Variants in TESMIN observed in about 807,000 individuals in gnomAD.
TESMIN encodes the protein testis expressed metallothionein like protein.
Under a neutral mutation model 47.4 loss-of-function variants are expected in TESMIN, and 34 were observed. That is an observed-to-expected ratio of 0.72 (90% CI 0.55 to 0.96). The LOEUF (loss-of-function observed/expected upper bound fraction) is 0.96, where lower values mean the gene tolerates loss of function less well. TESMIN is among the 40% of genes least tolerant of loss of function. The pLI is 0.00. For missense variants in TESMIN, 610 were observed against 637.2 expected, an observed-to-expected ratio of 0.96 and a Z score of 0.46; for synonymous variants, 278 against 258.9, an observed-to-expected ratio of 1.07 and a Z score of -0.71.
intron 6 of TESMIN, chr11:68,733,608 G>A (rs1946354298): frequency 6.6e-6 from 1 of 152,144 alleles, no homozygotes; most frequent in South Asian, 2.1e-4. Flanking sequence ...TGACTTCTAA[G>A]TAACCTTATT....
intron 6 of TESMIN, chr11:68,737,499 A>G (rs897933860): frequency 4.1e-6 from 4 of 985,642 alleles, no homozygotes; most frequent in Admixed American, 6.1e-5. Context: ...TCACGAAGCC[A>G]TGCCCGATGG....
chr11:68,731,066 C>T lies in TESMIN; in HGVS notation c.917+7634G>A, dbSNP rs116544189. 3.2e-3 allele frequency among the ~76,000 whole-genome samples: 482 copies of T among 152,138 alleles called. 4 individuals carry two copies. The highest frequency in any genetic ancestry group is 0.011 in the African/African-American group (447 of 41,480). On this transcript the variant is annotated intron_variant, in intron 6 of 9. Transcript: ENST00000255087. ...GGAGGAGGAAGATGAACGAGTAAAA[C>T]GCTTGTCTACCACAGGAAGAGGGCA...
chr11:68,742,034 G>A (rs940100095), intron 5 of TESMIN, among the ~76,000 whole-genome samples: 1 of 152,232 alleles, frequency 6.6e-6, no homozygotes, highest in Non-Finnish European at 1.5e-5. Flanking sequence ...TGTTGGTGGG[G>A]TCACAGAGGA....
In TESMIN at chr11:68,738,733, G is replaced by T; in HGVS notation, c.884C>A (p.Thr295Asn). ...AGTTATTTTTGGTGGTCCTGGAAGAGTTGATCCCGAGGGGAAAGCAGACCC... is the reference window on the plus strand; with the variant it reads ...AGTTATTTTTGGTGGTCCTGGAAGATTTGATCCCGAGGGGAAAGCAGACCC... Reference protein sequence around the residue: ...VNGSAFPSGSTLPGPPKITLA... With the variant: ...VNGSAFPSGSNLPGPPKITLA... Residue 295 changes from threonine to asparagine, a missense_variant, in exon 6 of 10, where the codon ACT becomes AAT. Thr to Asn is a moderately conservative substitution (Grantham distance 65). Coordinates refer to ENST00000255087, the MANE Select transcript of TESMIN (RefSeq NM_004923.3). 1 of 1,614,102 alleles carries T rather than the reference G, an allele frequency of 6.2e-7. No homozygotes were observed. Among genetic ancestry groups the T allele is most frequent in the South Asian group, 1.1e-5 (1 of 91,078 alleles).
intron 5 of TESMIN, among the ~76,000 whole-genome samples, chr11:68,741,166 C>T (rs1268179700): frequency 6.6e-6 from 1 of 152,088 alleles, no homozygotes; most frequent in Non-Finnish European, 1.5e-5. Context: ...TCTCCTTGAC[C>T]CCTCCTCCCC....
At chr11:68,705,583 T>G (rs930174138), downstream of TESMIN, among the ~76,000 whole-genome samples, 2 of 152,242 alleles carry the variant, frequency 1.3e-5, no homozygotes, top group African/African-American at 4.8e-5. Context: ...GCGCGTGTCA[T>G]TCTAAACAAT....
At chr11:68,721,946 T>C (rs1298225810) in intron 6 of TESMIN, among the ~76,000 whole-genome samples, 1 of 152,206 alleles carries the variant, frequency 6.6e-6, no homozygotes, top group Non-Finnish European at 1.5e-5. Flanking sequence ...AAAGTTACTA[T>C]ATGATCCAGC....
Position 68,726,064 on chromosome 11 carries a change from C to T in TESMIN, c.918-10125G>A, listed in dbSNP as rs1197037545. On this transcript the variant is annotated intron_variant, in intron 6 of 9. Transcript: ENST00000255087. ...ATGGCAACCCTAACTGTGGCAAACACTTACAAGGACATGTGTGATCTGCTG... is the reference window on the plus strand; with the variant it reads ...ATGGCAACCCTAACTGTGGCAAACATTTACAAGGACATGTGTGATCTGCTG... 2.0e-5 allele frequency among the ~76,000 whole-genome samples: 3 copies of T among 152,098 alleles called. No individual in the cohort carries two copies. The East Asian group carries it at 5.8e-4, about 29-fold the overall frequency.
intron 5 of TESMIN, among the ~76,000 whole-genome samples, chr11:68,741,700 T>G (rs1324675432): frequency 6.6e-6 from 1 of 152,192 alleles, no homozygotes; most frequent in Non-Finnish European, 1.5e-5. Context: ...GAGACACATA[T>G]GGCCTCTGCC....
intron 4 of TESMIN, among the ~76,000 whole-genome samples, chr11:68,743,234 C>A (rs976929560): frequency 5.7e-5 from 7 of 123,074 alleles, no homozygotes; most frequent in Non-Finnish European, 3.4e-5. Flanking sequence ...ACAGGAACTA[C>A]TTTTTTTTTT....
Position 68,750,671 on chromosome 11 carries a change from G to C in TESMIN, c.-11C>G. 2 of 1,495,142 alleles carry C rather than the reference G, an allele frequency of 1.3e-6. No individual in the cohort carries two copies. The highest frequency in any genetic ancestry group is 3.9e-4 in the Middle Eastern group (2 of 5,122). The allele number at this position is 1,495,142 out of a possible 1,614,324, so 92.6% of individuals were successfully genotyped here. A position where few individuals can be genotyped will look rare whatever the true frequency, so the allele number is the denominator to read the frequency against. The stretch of plus-strand genomic sequence containing the variant: ...AGGGCCCTCCTCCATGGCGCAGGGC[G>C]GCGGGGCGGGATGGCGGGGGCCGCG... On this transcript the variant is annotated 5_prime_UTR_variant, in exon 2 of 10. Transcript: ENST00000255087.
At chr11:68,727,720 C>T (rs544654651) in intron 6 of TESMIN, among the ~76,000 whole-genome samples, 17 of 152,318 alleles carry the variant, frequency 1.1e-4, no homozygotes, top group African/African-American at 3.8e-4. Flanking sequence ...AGCAAGTCTA[C>T]GGCTCCATTT....
At chr11:68,735,800 C>T (rs1043227974) in intron 6 of TESMIN, among the ~76,000 whole-genome samples, 3 of 152,246 alleles carry the variant, frequency 2.0e-5, no homozygotes, top group African/African-American at 7.2e-5. Flanking sequence ...AAACCAAATG[C>T]TTTTGAAGGA....
intron 2 of TESMIN, among the ~76,000 whole-genome samples, chr11:68,747,867 A>C (rs1251795328): frequency 6.6e-6 from 1 of 152,140 alleles, no homozygotes; most frequent in Non-Finnish European, 1.5e-5. Flanking sequence ...AAAATTACCA[A>C]AGATATGGAG....
chr11:68,728,022 T>C (rs1400662414), intron 6 of TESMIN, among the ~76,000 whole-genome samples: 1 of 152,306 alleles, frequency 6.6e-6, no homozygotes, highest in South Asian at 2.1e-4. Flanking sequence ...TCCCTGTCTC[T>C]CTCCCTGTCC....
intron 6 of TESMIN, 155 bp downstream of exon 6, chr11:68,738,545 C>T: frequency 7.0e-7 from 1 of 1,423,580 alleles, no homozygotes; most frequent in East Asian, 2.6e-5. Flanking sequence ...GACAGCAACA[C>T]CGTTAGTGGC....
chr11:68,727,632 T>G (rs1183468400), intron 6 of TESMIN, among the ~76,000 whole-genome samples: 2 of 152,340 alleles, frequency 1.3e-5, no homozygotes, highest in East Asian at 1.9e-4. Flanking sequence ...CTCATTTTAT[T>G]GCACTTTGTT....
intron 1 of TESMIN, among the ~76,000 whole-genome samples, 184 bp from the exon 2 acceptor site, chr11:68,750,883 G>A (rs1946593513): frequency 8.6e-6 from 1 of 116,210 alleles, no homozygotes; most frequent in African/African-American, 3.3e-5. Context: ...CCCGGGGAAG[G>A]GCGACCAGGT....
intron 5 of TESMIN, among the ~76,000 whole-genome samples, chr11:68,739,104 T>C (rs958148020): frequency 2.0e-5 from 3 of 152,250 alleles, no homozygotes; most frequent in Admixed American, 6.5e-5. Flanking sequence ...TGGAACTCCT[T>C]TTCATTTTTA....
Sources: allele counts gnomAD v4.1 joint callset (sites outside exome capture counted in the v4.1 genomes callset), GRCh38; gene constraint gnomAD v4.1.1; transcripts MANE v1.5; gene names NCBI Gene and HGNC (gene_info 2026-07-23, HGNC 2026-07-21).